Variants in GFM1 observed in about 807,000 individuals in gnomAD.
GFM1 encodes elongation factor G, mitochondrial.
A neutral mutation model predicts 96.2 loss-of-function variants in GFM1; 62 were observed. The ratio of observed to expected loss-of-function variants is 0.64; its 90% CI spans 0.53 to 0.80. The LOEUF (loss-of-function observed/expected upper bound fraction) is 0.80, where lower values mean the gene tolerates loss of function less well. GFM1 is among the 30% of genes least tolerant of loss of function. GFM1 has a pLI of 0.00. For missense variants in GFM1, 852 were observed against 916.6 expected, an observed-to-expected ratio of 0.93 and a Z score of 0.91; for synonymous variants, 282 against 312.9, an observed-to-expected ratio of 0.90 and a Z score of 1.04.
At chr3:158,661,254 G>C (rs939884051) in intron 10 of GFM1, among the ~76,000 whole-genome samples, 1 of 152,174 alleles carries the variant, frequency 6.6e-6, no homozygotes, top group African/African-American at 2.4e-5. Context: ...ATCTCCACCA[G>C]ATGGTACCTG....
rs748455856 is a variant in GFM1 at position 158,691,191 on chromosome 3, A to T, written c.2123A>T (p.Glu708Val). Residue 708 changes from glutamate to valine, a missense_variant and splice_region_variant, in exon 17 of 18, where the codon GAG (glutamate) becomes GTG (valine). Physicochemically the swap from Glu to Val is moderately radical, Grantham distance 121 (BLOSUM62 -2). Coordinates refer to ENST00000486715, the MANE Select transcript of GFM1 (RefSeq NM_024996.7). ...GYSTELRSCT[E>V]GKGEYTMEYS... ...TCCACTGAACTTAGGTCATGCACAG[A>T]GGTAGGCAAATTTAAACTTACCCTT... The T allele has an allele frequency of 1.9e-6, 3 of 1,611,994 alleles. No individual in the cohort carries two copies. The highest frequency in any genetic ancestry group is 2.5e-6 in the Non-Finnish European group (3 of 1,178,098).
chr3:158,673,414 C>G (rs1724550418), intron 13 of GFM1, among the ~76,000 whole-genome samples: 2 of 151,344 alleles, frequency 1.3e-5, no homozygotes, highest in Admixed American at 6.6e-5. Flanking sequence ...CCTTGGTGGT[C>G]TTAGGTTAAT....
chr3:158,660,841 G>A (rs779649355), intron 9 of GFM1, 33 bp from the exon 10 acceptor site: 3 of 1,529,340 alleles, frequency 2.0e-6, no homozygotes, highest in South Asian at 2.2e-5. Flanking sequence ...TGTATTACTT[G>A]CAAATATAAT....
chr3:158,673,508 C>CTTTTTTTTTTTTTTTTTTTTTTTT (rs766011688), intron 13 of GFM1, among the ~76,000 whole-genome samples: 1 of 114,264 alleles, frequency 8.8e-6, no homozygotes, highest in Non-Finnish European at 1.8e-5. Context: ...CTTTTCTTTT[C>CTTTTTTTTTTTTTTTTTTTTTTTT]TTTTTTTTTT....
intron 16 of GFM1, among the ~76,000 whole-genome samples, chr3:158,690,781 T>C (rs1726245407): frequency 6.6e-6 from 1 of 152,202 alleles, no homozygotes; most frequent in Admixed American, 6.5e-5. Flanking sequence ...TCTCAGCATA[T>C]CATTAAGGTG....
In GFM1 at chr3:158,691,684, T is replaced by G; in HGVS notation, c.*217T>G. 1 of 460,234 alleles carries G rather than the reference T, an allele frequency of 2.2e-6. No individual in the cohort carries two copies. Among genetic ancestry groups the G allele is most frequent in the Non-Finnish European group, 3.9e-6 (1 of 255,844 alleles). The allele number at this position is 460,234 out of a possible 1,614,324, so 28.5% of individuals were successfully genotyped here. On this transcript the variant is annotated 3_prime_UTR_variant, in exon 18 of 18. Transcript: ENST00000486715. Reference sequence around the variant, plus strand: ...GTCTATCTCAACTCTATTGATTGGTTTTATAGTTCATTGAAAATCCTCAAA... The same window carrying G: ...GTCTATCTCAACTCTATTGATTGGTGTTATAGTTCATTGAAAATCCTCAAA...
rs1185413311 is a variant in GFM1 at position 158,682,132 on chromosome 3, A to G, written c.1739A>G (p.Lys580Arg). The change falls in exon 14 of 18, where the codon AAG becomes AGG. Residue 580 changes from lysine (K) to arginine (R), a missense_variant. Transcript: ENST00000486715. The stretch of plus-strand genomic sequence containing the variant: ...GAAACATTCGGATCAAATATTCCAA[A>G]GCAGTTTGTGCCTGCTGTAGAAAAG... Reference protein sequence around the residue: ...SDETFGSNIPKQFVPAVEKGF... With the variant: ...SDETFGSNIPRQFVPAVEKGF... 1 of 1,613,752 alleles carries G rather than the reference A, an allele frequency of 6.2e-7. No homozygotes were observed. The highest frequency in any genetic ancestry group is 8.5e-7 in the Non-Finnish European group (1 of 1,179,882).
chr3:158,662,486 A>C, intron 10 of GFM1, 142 bp from the exon 11 acceptor site: 2 of 634,928 alleles, frequency 3.1e-6, no homozygotes, highest in Non-Finnish European at 5.7e-6. Context: ...AAACAGATCA[A>C]GATATATGTT....
At chr3:158,681,413 A>G (rs1725371511) in intron 13 of GFM1, among the ~76,000 whole-genome samples, 1 of 152,214 alleles carries the variant, frequency 6.6e-6, no homozygotes, top group Admixed American at 6.5e-5. Flanking sequence ...GTAAACAGTG[A>G]ACTGTGTTTA....
Position 158,645,726 on chromosome 3 carries a change from C to T in GFM1, c.179C>T (p.Thr60Ile), listed in dbSNP as rs776884953. Residue 60 changes from threonine to isoleucine, a missense_variant, in exon 2 of 18, where the codon ACT becomes ATT. By Grantham distance (89) the Thr-to-Ile change is moderately conservative. Coordinates refer to ENST00000486715, the MANE Select transcript of GFM1 (RefSeq NM_024996.7). ...GISAHIDSGK[T>I]TLTERVLYYT... ...TCAGCTCACATTGATTCTGGGAAAA[C>T]TACATTAACAGAACGAGTCCTTTAC... is the stretch of plus-strand genomic sequence containing the variant. 6.2e-7 allele frequency: 1 copy of T among 1,611,958 alleles called. No homozygotes were observed. The highest frequency in any genetic ancestry group is 8.5e-7 in the Non-Finnish European group (1 of 1,178,068).
intron 13 of GFM1, among the ~76,000 whole-genome samples, chr3:158,681,192 A>G (rs543069734): frequency 1.3e-5 from 2 of 152,174 alleles, no homozygotes; most frequent in East Asian, 1.9e-4. Context: ...ATTAATGTCT[A>G]TTTTCTTATG....
intron 1 of GFM1, 72 bp downstream of exon 1, chr3:158,644,787 C>T: frequency 7.8e-7 from 1 of 1,279,790 alleles, no homozygotes; most frequent in East Asian, 2.5e-5. Flanking sequence ...CAATGGAAGG[C>T]CGTGACACCC....
At chr3:158,681,102 C>T (rs1176272680) in intron 13 of GFM1, among the ~76,000 whole-genome samples, 1 of 152,188 alleles carries the variant, frequency 6.6e-6, no homozygotes, top group African/African-American at 2.4e-5. Context: ...GCTAGCATCT[C>T]CTACCAGCTT....
chr3:158,684,434 C>T, intron 14 of GFM1, 90 bp from the exon 15 acceptor site: 1 of 1,313,214 alleles, frequency 7.6e-7, no homozygotes, highest in East Asian at 2.3e-5. Flanking sequence ...TAAAAACGTA[C>T]ACTTCTGAAC....
At chr3:158,687,028 GT>G (rs1294534566) in intron 15 of GFM1, among the ~76,000 whole-genome samples, 1 of 150,838 alleles carries the variant, frequency 6.6e-6, no homozygotes, top group Non-Finnish European at 1.5e-5. Context: ...TTTGAGACAG[GT>G]TCTTGCTCTG....
rs1722084081 is a variant in GFM1 at position 158,649,116 on chromosome 3, T to G, written c.648T>G (p.Asp216Glu). The G allele has an allele frequency of 1.3e-6, 2 of 1,532,290 alleles. No homozygotes were observed. The highest frequency in any genetic ancestry group is 2.7e-5 in the African/African-American group (2 of 72,792). 94.9% of individuals were successfully genotyped at this position (1,532,290 alleles called of 1,614,324 possible). A position where few individuals can be genotyped will look rare whatever the true frequency, so the allele number is the denominator to read the frequency against. The part of the protein sequence containing the change: ...GLEGNFKGIV[D>E]LIEERAIYFD... ...AGGGTAATTTTAAAGGTATTGTAGATCTTATTGAGGAACGAGCCATCTATT... is the reference window on the plus strand; with the variant it reads ...AGGGTAATTTTAAAGGTATTGTAGAGCTTATTGAGGAACGAGCCATCTATT... The change falls in exon 5 of 18, where the codon GAT becomes GAG. Residue 216 changes from aspartate to glutamate, a missense_variant. By Grantham distance (45) the Asp-to-Glu change is conservative. Transcript: ENST00000486715.
At chr3:158,649,710 G>T in intron 5 of GFM1, 1 of 346,014 alleles carries the variant, frequency 2.9e-6, no homozygotes. Flanking sequence ...GCTCTTGAGT[G>T]ACCTTTACCT....
rs1277682779 is a variant in GFM1, at chr3:158,692,284, TTCA to T, written c.*820_*822del. 6.6e-6 allele frequency: 1 copy of T among 152,250 alleles called. No homozygotes were observed. Among genetic ancestry groups the T allele is most frequent in the Non-Finnish European group, 1.5e-5 (1 of 68,038 alleles). The allele number at this position is 152,250 out of a possible 1,614,324, so 9.4% of individuals were successfully genotyped here. On this transcript the variant is annotated 3_prime_UTR_variant, in exon 18 of 18. Transcript: ENST00000486715. The stretch of plus-strand genomic sequence containing the variant: ...CTTGCATATACTATTCTTGTTTGTG[TTCA>T]TCTTAATGTTTTTGTACAGCTAAAT...
intron 4 of GFM1, among the ~76,000 whole-genome samples, chr3:158,648,538 C>T (rs980869795): frequency 3.3e-5 from 5 of 152,102 alleles, no homozygotes; most frequent in African/African-American, 9.6e-5. Flanking sequence ...ATTAGCCAGG[C>T]GTGGTGGCGG....
Sources: gnomAD v4.1 joint callset for allele counts (sites outside exome capture counted in the v4.1 genomes callset) on GRCh38, gnomAD v4.1.1 for gene constraint, MANE v1.5 for transcripts, NCBI Gene and HGNC (gene_info 2026-07-23, HGNC 2026-07-21) for gene names.